PDE1C: variants seen among roughly 807,000 people sequenced by gnomAD.
PDE1C encodes phosphodiesterase 1C, also known as dual specificity calcium/calmodulin-dependent 3',5'-cyclic nucleotide phosphodiesterase 1C.
PDE1C carries 62 observed loss-of-function variants against 93.1 expected under a neutral mutation model. The observed-to-expected ratio is 0.67, with a 90% confidence interval of 0.54 to 0.82. The LOEUF (loss-of-function observed/expected upper bound fraction) is 0.82. PDE1C is among the 40% of genes least tolerant of loss of function. The pLI is 0.00. For synonymous variants in PDE1C, 325 were observed against 310.1 expected, an observed-to-expected ratio of 1.05 and a Z score of -0.50; for missense variants, 742 against 884.6, an observed-to-expected ratio of 0.84 and a Z score of 2.04.
At chr7:32,297,975 C>A in intron 1 of PDE1C, among the ~76,000 whole-genome samples, 1 of 70,272 alleles carries the variant, frequency 1.4e-5, no homozygotes, top group Non-Finnish European at 2.9e-5. Flanking sequence ...CTCTCTCTCT[C>A]TCTCTCTCTC....
the PDE1C span, among the ~76,000 whole-genome samples, chr7:31,682,136 C>A: frequency 2.6e-5 from 4 of 152,164 alleles, no homozygotes; most frequent in African/African-American, 7.2e-5. Flanking sequence ...ATAGTACCTA[C>A]CTCATAGGAT....
the PDE1C span, among the ~76,000 whole-genome samples, chr7:31,681,375 GGAT>G: frequency 7.1e-4 from 1 of 1,416 alleles, no homozygotes; most frequent in South Asian, 0.042. Flanking sequence ...ATGGACGGAT[GGAT>G]GGATGGATGG....
intron 3 of PDE1C, among the ~76,000 whole-genome samples, chr7:32,149,905 G>A (rs996081565): frequency 3.3e-5 from 5 of 152,154 alleles, no homozygotes; most frequent in African/African-American, 1.2e-4. Flanking sequence ...CCCATTGTGG[G>A]TAATGAAGCA....
the PDE1C span, chr7:31,692,336 T>A: frequency 1.1e-6 from 1 of 922,462 alleles, no homozygotes; most frequent in Non-Finnish European, 1.7e-6. Context: ...CAAATATATT[T>A]ACTTAGCAAA....
At chr7:32,159,071 C>T (rs951537732) in intron 3 of PDE1C, among the ~76,000 whole-genome samples, 4 of 152,102 alleles carry the variant, frequency 2.6e-5, no homozygotes, top group African/African-American at 9.7e-5. Flanking sequence ...ACCATAGTGC[C>T]ATTCAATATA....
chr7:32,353,844 A>G (rs1164033897), intron 1 of PDE1C, among the ~76,000 whole-genome samples: 1 of 152,160 alleles, frequency 6.6e-6, no homozygotes, highest in Non-Finnish European at 1.5e-5. Context: ...AAATGAAAAC[A>G]TCCACTTCCT....
chr7:31,829,998 A>G (rs1241569381), intron 11 of PDE1C, among the ~76,000 whole-genome samples: 1 of 152,178 alleles, frequency 6.6e-6, no homozygotes, highest in Non-Finnish European at 1.5e-5. Flanking sequence ...CTATTAAAAT[A>G]TAAACACTAA....
chr7:32,256,926 A>G (rs1809835035), intron 1 of PDE1C, among the ~76,000 whole-genome samples: 1 of 152,198 alleles, frequency 6.6e-6, no homozygotes, highest in Non-Finnish European at 1.5e-5. Context: ...TTCTTTGAGC[A>G]GGCCCCCAGA....
intron 2 of PDE1C, among the ~76,000 whole-genome samples, chr7:32,038,092 G>C (rs918067263): frequency 6.6e-6 from 1 of 152,118 alleles, no homozygotes; most frequent in Non-Finnish European, 1.5e-5. Flanking sequence ...GCATTGCAGA[G>C]CCTACTAGAA....
At chr7:32,088,253 A>G (rs561412605) in intron 3 of PDE1C, among the ~76,000 whole-genome samples, 5 of 152,348 alleles carry the variant, frequency 3.3e-5, no homozygotes, top group Middle Eastern at 3.4e-3. Context: ...TTCAAGGCAA[A>G]AAGACTTCCG....
At chr7:32,290,494 CA>C (rs1303756949) in intron 1 of PDE1C, among the ~76,000 whole-genome samples, 7 of 152,280 alleles carry the variant, frequency 4.6e-5, no homozygotes, top group African/African-American at 1.7e-4. Flanking sequence ...TGAACCCTCC[CA>C]ACAACGCAAC....
At chr7:31,895,868 T>C (rs547399745) in intron 2 of PDE1C, among the ~76,000 whole-genome samples, 4 of 152,148 alleles carry the variant, frequency 2.6e-5, no homozygotes, top group Non-Finnish European at 5.9e-5. Flanking sequence ...CCTTCTGCCA[T>C]GATTGTGAGG....
chr7:32,062,095 A>G (rs1794880988), intron 1 of PDE1C, among the ~76,000 whole-genome samples: 1 of 152,044 alleles, frequency 6.6e-6, no homozygotes. Flanking sequence ...AACTCATCCC[A>G]TACTGAACTC....
chr7:32,157,406 A>G (rs1801641202), intron 3 of PDE1C, among the ~76,000 whole-genome samples: 1 of 152,214 alleles, frequency 6.6e-6, no homozygotes, highest in African/African-American at 2.4e-5. Flanking sequence ...TGATCATTGT[A>G]CATTGTATAC....
At chr7:31,650,264 T>C in the PDE1C span, among the ~76,000 whole-genome samples, 1 of 152,162 alleles carries the variant, frequency 6.6e-6, no homozygotes, top group African/African-American at 2.4e-5. Flanking sequence ...ACAGTAAATT[T>C]TCCTGGCAGC....
intron 1 of PDE1C, among the ~76,000 whole-genome samples, chr7:32,319,413 C>T (rs1783240972): frequency 6.6e-6 from 1 of 151,950 alleles, no homozygotes; most frequent in Non-Finnish European, 1.5e-5. Flanking sequence ...CCAGCCAGCA[C>T]GAGAAGGGAC....
intron 2 of PDE1C, among the ~76,000 whole-genome samples, chr7:31,968,903 C>G (rs1213189616): frequency 2.6e-5 from 4 of 152,102 alleles, no homozygotes; most frequent in African/African-American, 4.8e-5. Context: ...TTTAATAAAT[C>G]ATTCTGGGAA....
the PDE1C span, among the ~76,000 whole-genome samples, chr7:31,743,548 G>A: frequency 2.6e-5 from 4 of 151,162 alleles, no homozygotes; most frequent in Non-Finnish European, 4.4e-5. Flanking sequence ...AAGTTCGCTG[G>A]AGGATGCAGT....
At chr7:31,920,264 C>A (rs147559388) in intron 2 of PDE1C, among the ~76,000 whole-genome samples, 31 of 152,052 alleles carry the variant, frequency 2.0e-4, no homozygotes, top group Non-Finnish European at 3.8e-4. Context: ...ACCATCTGGA[C>A]ACACAGATAT....
Sources: allele counts gnomAD v4.1 joint callset (sites outside exome capture counted in the v4.1 genomes callset), GRCh38; gene constraint gnomAD v4.1.1; transcripts MANE v1.5; gene names NCBI Gene and HGNC (gene_info 2026-07-23, HGNC 2026-07-21).